Variants in EEFSEC observed in about 807,000 individuals in gnomAD.
EEFSEC encodes selenocysteine-specific elongation factor.
A neutral mutation model predicts 42.1 loss-of-function variants in EEFSEC; 43 were observed. That is an observed-to-expected ratio of 1.02 (90% CI 0.80 to 1.32). The LOEUF (loss-of-function observed/expected upper bound fraction) is 1.32. Among genes scored for constraint, EEFSEC ranks in the 40% most tolerant of loss-of-function variants. The probability of loss-of-function intolerance (pLI) is 0.00; values close to 1 mark genes in which losing one functional copy is unlikely to be tolerated. For synonymous variants in EEFSEC, 354 were observed against 339.1 expected, an observed-to-expected ratio of 1.04 and a Z score of -0.48; for missense variants, 745 against 803.6, an observed-to-expected ratio of 0.93 and a Z score of 0.88.
intron 6 of EEFSEC, among the ~76,000 whole-genome samples, chr3:128,389,048 A>G (rs1274789279): frequency 6.6e-6 from 1 of 152,236 alleles, no homozygotes; most frequent in Non-Finnish European, 1.5e-5. Flanking sequence ...TCTGTAGGGC[A>G]GGAGTTCCAG....
chr3:128,410,712 A>T (rs144782866), downstream of EEFSEC, among the ~76,000 whole-genome samples: 33 of 152,188 alleles, frequency 2.2e-4, no homozygotes, highest in East Asian at 4.1e-3. Flanking sequence ...ACCCCACATT[A>T]CCTGCGGCCC....
intron 1 of EEFSEC, among the ~76,000 whole-genome samples, chr3:128,206,559 A>G (rs1006214617): frequency 5.9e-5 from 9 of 152,334 alleles, no homozygotes; most frequent in African/African-American, 1.7e-4. Context: ...AGAATAGGAC[A>G]TATAAACAGC....
At chr3:128,321,088 G>T (rs1355979215) in intron 4 of EEFSEC, among the ~76,000 whole-genome samples, 1 of 152,228 alleles carries the variant, frequency 6.6e-6, no homozygotes. Context: ...AGGCCCTGGG[G>T]GTGCCAGGCA....
rs562011883 is a variant in EEFSEC, at chr3:128,240,123, C to T, written c.317-6713C>T. ...GCACTGTGCAGGGCCTGGTCGTGAC[C>T]GCCCTCCTTCTCTCCTCCCCTTTCC... On this transcript the variant is annotated intron_variant, in intron 1 of 6. Transcript: ENST00000254730. Among the ~76,000 whole-genome samples, 6 of 152,324 alleles carry T rather than the reference C, an allele frequency of 3.9e-5. No homozygotes were observed. The East Asian group carries it at 5.8e-4, about 15-fold the overall frequency.
intron 6 of EEFSEC, among the ~76,000 whole-genome samples, chr3:128,386,244 G>A (rs1364827208): frequency 6.6e-6 from 1 of 152,160 alleles, no homozygotes; most frequent in African/African-American, 2.4e-5. Flanking sequence ...TTCCAAGGGT[G>A]CATGAAATCT....
chr3:128,315,783 C>G (rs2066938637), intron 4 of EEFSEC, among the ~76,000 whole-genome samples: 1 of 152,180 alleles, frequency 6.6e-6, no homozygotes, highest in South Asian at 2.1e-4. Flanking sequence ...GGCCATAATT[C>G]TAGTGATAAC....
Position 128,153,694 on chromosome 3 carries a change from C to T in EEFSEC, c.187C>T (p.Arg63Cys), listed in dbSNP as rs1003961919. 5.0e-6 allele frequency: 8 copies of T among 1,589,304 alleles called. No individual in the cohort carries two copies. In the Admixed American group the frequency reaches 1.4e-4, roughly 27 times the overall value. ...FSCFSVPLPA[R>C]LRSSLPEFQA... is the part of the protein sequence containing the mutation. ...GTGCTTCTCGGTGCCGCTGCCCGCGCGCCTGCGGTCGTCTTTGCCCGAGTT... is the reference window on the plus strand; with the variant it reads ...GTGCTTCTCGGTGCCGCTGCCCGCGTGCCTGCGGTCGTCTTTGCCCGAGTT... Residue 63 changes from arginine (R) to cysteine (C), a missense_variant, in exon 1 of 7, where the codon CGC becomes TGC. Physicochemically the swap from Arg to Cys is radical, Grantham distance 180. Transcript: ENST00000254730.
chr3:128,263,092 C>T (rs1163938855), intron 3 of EEFSEC, among the ~76,000 whole-genome samples: 1 of 152,170 alleles, frequency 6.6e-6, no homozygotes, highest in Non-Finnish European at 1.5e-5. Context: ...GTGCTCGGTA[C>T]AGTGCCATGT....
intron 1 of EEFSEC, among the ~76,000 whole-genome samples, chr3:128,182,219 A>T (rs1239223014): frequency 6.6e-5 from 10 of 152,114 alleles, no homozygotes; most frequent in African/African-American, 2.4e-4. Flanking sequence ...ATCTTGTGTA[A>T]TGCCCCCGCA....
intron 4 of EEFSEC, among the ~76,000 whole-genome samples, chr3:128,299,432 G>C (rs1468852169): frequency 2.6e-5 from 4 of 152,086 alleles, no homozygotes. Flanking sequence ...GTTTTTGTTT[G>C]TTTGTTTGTT....
chr3:128,391,646 A>C (rs1383079397), intron 6 of EEFSEC, among the ~76,000 whole-genome samples: 1 of 152,132 alleles, frequency 6.6e-6, no homozygotes, highest in Non-Finnish European at 1.5e-5. Context: ...ACATTTTTAA[A>C]GTTTGGTTCC....
intron 1 of EEFSEC, among the ~76,000 whole-genome samples, chr3:128,213,052 G>A (rs1360671775): frequency 1.3e-5 from 2 of 152,236 alleles, no homozygotes; most frequent in Admixed American, 6.5e-5. Flanking sequence ...CTCAGTGGGG[G>A]TTGGCTGCCC....
At position 128,408,069 on chromosome 3, in the gene EEFSEC, G is replaced by T; in HGVS notation, c.1601G>T (p.Gly534Val). The T allele has an allele frequency of 6.4e-7, 1 of 1,553,230 alleles. No individual in the cohort carries two copies. ...ACAGGCTCTCTTCTGTGCCTTGCAGGTGGCCTCAGCCCCGAGTCCAAGAAG... is the reference window on the plus strand; with the variant it reads ...ACAGGCTCTCTTCTGTGCCTTGCAGTTGGCCTCAGCCCCGAGTCCAAGAAG... ...QSGKFKIHIP[G>V]GLSPESKKIL... Residue 534 changes from glycine to valine, a missense_variant and splice_region_variant, in exon 7 of 7, where the codon GGT becomes GTT. Coordinates refer to ENST00000254730, the MANE Select transcript of EEFSEC (RefSeq NM_021937.5).
At chr3:128,395,313 T>G (rs541052201) in intron 6 of EEFSEC, among the ~76,000 whole-genome samples, 16 of 152,260 alleles carry the variant, frequency 1.1e-4, no homozygotes, top group African/African-American at 3.9e-4. Flanking sequence ...CAGCCATCAG[T>G]GGCCCACTCC....
intron 6 of EEFSEC, among the ~76,000 whole-genome samples, chr3:128,402,239 C>T (rs543300990): frequency 2.0e-5 from 3 of 152,234 alleles, no homozygotes; most frequent in South Asian, 2.1e-4. Context: ...GACAGTCTTC[C>T]GGTCTCTTTT....
intron 4 of EEFSEC, among the ~76,000 whole-genome samples, chr3:128,286,548 A>T (rs886342601): frequency 2.0e-5 from 3 of 152,204 alleles, no homozygotes; most frequent in African/African-American, 7.2e-5. Flanking sequence ...TCCAGCCTTG[A>T]CCATGGAGCT....
intron 4 of EEFSEC, among the ~76,000 whole-genome samples, chr3:128,298,314 A>C (rs1037749531): frequency 6.6e-6 from 1 of 152,028 alleles, no homozygotes; most frequent in African/African-American, 2.4e-5. Flanking sequence ...TGCCCAGCTG[A>C]TTTTAAAGTT....
intron 1 of EEFSEC, among the ~76,000 whole-genome samples, chr3:128,212,948 G>C (rs1038724876): frequency 1.3e-5 from 2 of 152,238 alleles, no homozygotes; most frequent in Admixed American, 1.3e-4. Context: ...CACATCCCGG[G>C]GAGCAGCAGT....
intron 4 of EEFSEC, among the ~76,000 whole-genome samples, chr3:128,288,190 C>CA (rs1311703267): frequency 6.6e-6 from 1 of 152,072 alleles, no homozygotes; most frequent in Non-Finnish European, 1.5e-5. Context: ...TCAGTTATTT[C>CA]AAGTAAGCGA....
Sources: gnomAD v4.1 joint callset for allele counts (sites outside exome capture counted in the v4.1 genomes callset) on GRCh38, gnomAD v4.1.1 for gene constraint, MANE v1.5 for transcripts, NCBI Gene and HGNC (gene_info 2026-07-23, HGNC 2026-07-21) for gene names.